The following DMPK variants were observed in gnomAD, a reference collection of about 807,000 sequenced individuals.
DMPK encodes DM1 protein kinase, also known as myotonin-protein kinase.
DMPK carries 32 observed loss-of-function variants against 70.3 expected under a neutral mutation model. That is an observed-to-expected ratio of 0.46 (90% confidence interval 0.34 to 0.61). The LOEUF (loss-of-function observed/expected upper bound fraction) is 0.61, where lower values mean the gene tolerates loss of function less well. Among genes scored for constraint, DMPK ranks in the 20% least tolerant of loss-of-function variants. DMPK has a pLI of 0.01. For synonymous variants in DMPK, 469 were observed against 390.9 expected, an observed-to-expected ratio of 1.20 and a Z score of -2.36; for missense variants, 899 against 886.0, an observed-to-expected ratio of 1.01 and a Z score of -0.19.
chr19:45,772,175 A>G (rs930720976), intron 10 of DMPK: 23 of 518,668 alleles, frequency 4.4e-5, no homozygotes, highest in Non-Finnish European at 7.1e-5. Context: ...CACTAACACA[A>G]CCTATGTCCC....
chr19:45,779,398 C>G, intron 3 of DMPK, 39 bp from the exon 4 acceptor site: 1 of 1,613,844 alleles, frequency 6.2e-7, no homozygotes, highest in Non-Finnish European at 8.5e-7. Flanking sequence ...GGAGACGGGG[C>G]GCGGATCCTC....
At chr19:45,779,704 TTC>T in intron 2 of DMPK, 72 bp downstream of exon 2, 1 of 1,529,414 alleles carries the variant, frequency 6.5e-7, no homozygotes, top group Non-Finnish European at 8.8e-7. Flanking sequence ...ATTCATCAAT[TTC>T]TAAGGCCCCG....
At chr19:45,778,807 G>GCGGCCC in intron 4 of DMPK, 166 bp from the exon 5 acceptor site, 1 of 696,270 alleles carries the variant, frequency 1.4e-6, no homozygotes, top group Non-Finnish European at 2.3e-6. Context: ...GAGACCACCT[G>GCGGCCC]CGGCCCCCGC....
intron 13 of DMPK, 88 bp downstream of exon 13, chr19:45,771,262 C>A (rs775014801): frequency 1.7e-5 from 26 of 1,507,332 alleles, no homozygotes; most frequent in Non-Finnish European, 2.2e-5. Context: ...AGGGTGAGCC[C>A]TATATCTGGA....
intron 10 of DMPK, 32 bp from the exon 11 acceptor site, chr19:45,771,960 G>A: frequency 6.5e-7 from 1 of 1,532,860 alleles, no homozygotes; most frequent in Non-Finnish European, 8.8e-7. Context: ...AAGGCTGCCT[G>A]TGGCTCCTGG....
At chr19:45,775,254 GC>G in intron 8 of DMPK, 1 of 471,852 alleles carries the variant, frequency 2.1e-6, no homozygotes, top group East Asian at 4.2e-5. Flanking sequence ...TGCAACCTCC[GC>G]CTCCCAGGTT....
At chr19:45,770,795 G>T in intron 14 of DMPK, 155 bp from the exon 15 acceptor site, 1 of 1,038,808 alleles carries the variant, frequency 9.6e-7, no homozygotes. Flanking sequence ...CGCACGCCTC[G>T]AATCCCGTCC....
At position 45,782,290 on chromosome 19, in the gene DMPK, C is replaced by T; in HGVS notation, c.63G>A (p.Gly21=). The T allele has an allele frequency of 6.3e-7, 1 of 1,597,412 alleles. No homozygotes were observed. Among genetic ancestry groups the T allele is most frequent in the Non-Finnish European group, 8.5e-7 (1 of 1,173,102 alleles). Residue 21 remains glycine (G), a synonymous_variant, in exon 1 of 15, where the codon GGG becomes GGA. Transcript: ENST00000291270. ...QQLVLDPGFL[G]LEPLLDLLLG... Reference sequence around the variant, plus strand: ...GGAGAAGGTCGAGCAGGGGCTCCAGCCCCAGGAAGCCCGGGTCCAACACCA... The same window carrying T: ...GGAGAAGGTCGAGCAGGGGCTCCAGTCCCAGGAAGCCCGGGTCCAACACCA...
rs143172072 is a variant in DMPK at position 45,770,112 on chromosome 19, C to A, written c.*376G>T. The A allele has an allele frequency of 3.5e-4, 214 of 605,858 alleles. 1 individual carries two copies. In the African/African-American group the frequency reaches 3.8e-3, roughly 11 times the overall value. 37.5% of individuals were successfully genotyped at this position (605,858 alleles called of 1,614,324 possible). On this transcript the variant is annotated 3_prime_UTR_variant, in exon 15 of 15. Coordinates refer to ENST00000291270, the MANE Select transcript of DMPK (RefSeq NM_004409.5). ...GGGTGCGTGGAGGATGGAACACGGA[C>A]GGCCCGGCTTGCTGCCTTCCCAGGC...
intron 6 of DMPK, 123 bp downstream of exon 6, chr19:45,778,004 G>T: frequency 8.4e-7 from 1 of 1,195,470 alleles, no homozygotes; most frequent in Non-Finnish European, 1.2e-6. Context: ...CCACACAGAT[G>T]CACACTTAAG....
chr19:45,770,204 C>CCAGCGG lies in DMPK; in HGVS notation c.*283_*284insCCGCTG, dbSNP rs1321686170. ...AAGAAAGAAATGGTCTGTGATCCCC[C>CCAGCGG]CAGCAGCAGCAGCAGCAGCAGCAGC... On this transcript the variant is annotated 3_prime_UTR_variant, in exon 15 of 15. Transcript: ENST00000291270. The CCAGCGG allele has an allele frequency of 1.5e-6, 1 of 673,370 alleles. No homozygotes were observed. The highest frequency in any genetic ancestry group is 2.6e-6 in the Non-Finnish European group (1 of 391,112). The allele number at this position is 673,370 out of a possible 1,614,324, so 41.7% of individuals were successfully genotyped here.
intron 6 of DMPK, 60 bp downstream of exon 6, chr19:45,778,067 C>G: frequency 6.9e-7 from 1 of 1,440,214 alleles, no homozygotes; most frequent in East Asian, 2.4e-5. Context: ...CTCCCACACT[C>G]TGTGCCTTCC....
intron 4 of DMPK, 34 bp downstream of exon 4, chr19:45,779,230 T>A (rs770140484): frequency 1.1e-5 from 18 of 1,602,484 alleles, no homozygotes; most frequent in Non-Finnish European, 1.5e-5. Context: ...CGGGCTCTTG[T>A]CCCTCTTCCT....
At position 45,770,630 on chromosome 19, in the gene DMPK, G is replaced by C. The variant is rs750895304; in HGVS notation, c.1748C>G (p.Pro583Arg). 3.2e-6 allele frequency: 5 copies of C among 1,552,224 alleles called. No individual in the cohort carries two copies. The highest frequency in any genetic ancestry group is 2.4e-5 in the South Asian group (2 of 84,116). The change falls in exon 15 of 15, where the codon CCT (proline) becomes CGT (arginine). Residue 583 changes from proline (P) to arginine (R), a missense_variant. Coordinates refer to ENST00000291270, the MANE Select transcript of DMPK (RefSeq NM_004409.5). ...HLLLPARVPR[P>R]GLSEALSLLL... Reference sequence around the variant, plus strand: ...CAGGGAAAGCGCCTCCGATAGGCCAGGCCTAGGGACCTGCGGGGAGAGGGC... The same window carrying C: ...CAGGGAAAGCGCCTCCGATAGGCCACGCCTAGGGACCTGCGGGGAGAGGGC...
intron 9 of DMPK, 58 bp downstream of exon 9, chr19:45,774,891 G>A: frequency 1.5e-6 from 2 of 1,348,500 alleles, no homozygotes; most frequent in Non-Finnish European, 2.1e-6. Flanking sequence ...CAAGGAGCAG[G>A]ACCCAGGAAG....
At chr19:45,778,715 C>A (rs1969928773) in intron 4 of DMPK, 74 bp from the exon 5 acceptor site, 3 of 1,485,654 alleles carry the variant, frequency 2.0e-6, no homozygotes, top group Non-Finnish European at 1.8e-6. Flanking sequence ...TGGGACAACC[C>A]CTCCCAGAGA....
At position 45,770,194 on chromosome 19, in the gene DMPK, T is replaced by G; in HGVS notation, c.*294A>C. On this transcript the variant is annotated 3_prime_UTR_variant, in exon 15 of 15. Coordinates refer to ENST00000291270, the MANE Select transcript of DMPK (RefSeq NM_004409.5). ...GCCTGGCCGAAAGAAAGAAATGGTC[T>G]GTGATCCCCCCAGCAGCAGCAGCAG... 1.5e-6 allele frequency: 1 copy of G among 660,286 alleles called. No homozygotes were observed. Among genetic ancestry groups the G allele is most frequent in the Non-Finnish European group, 2.5e-6 (1 of 406,022 alleles). 40.9% of individuals were successfully genotyped at this position (660,286 alleles called of 1,614,324 possible).
chr19:45,779,756 G>T lies in DMPK; in HGVS notation c.252+22C>A, dbSNP rs375867547. 8 of 1,542,170 alleles carry T rather than the reference G, an allele frequency of 5.2e-6. No homozygotes were observed. The African/African-American group carries it at 1.1e-4, about 21-fold the overall frequency. Reference sequence around the variant, plus strand: ...CCCCGCCCACCACGAGTCAAGTCAGGCTCCCGCCCGGTTCGGCTTACCTCG... The same window carrying T: ...CCCCGCCCACCACGAGTCAAGTCAGTCTCCCGCCCGGTTCGGCTTACCTCG... On this transcript the variant is annotated intron_variant, in intron 2 of 14. Coordinates refer to ENST00000291270, the MANE Select transcript of DMPK (RefSeq NM_004409.5).
rs1309089264 is a variant in DMPK, at chr19:45,769,893, A to G, written c.*595T>C. On this transcript the variant is annotated 3_prime_UTR_variant, in exon 15 of 15. Transcript: ENST00000291270. Reference sequence around the variant, plus strand: ...GAGGACGAGGTCAATAAATATCCAAACCGCCGAAGCGGGCGGAGCCGGCTG... The same window carrying G: ...GAGGACGAGGTCAATAAATATCCAAGCCGCCGAAGCGGGCGGAGCCGGCTG... 7.3e-6 allele frequency: 2 copies of G among 275,410 alleles called. No individual in the cohort carries two copies. Among genetic ancestry groups the G allele is most frequent in the African/African-American group, 2.3e-5 (1 of 43,176 alleles). The allele number at this position is 275,410 out of a possible 1,614,324, so 17.1% of individuals were successfully genotyped here.
Sources: allele counts gnomAD v4.1 joint callset, GRCh38; gene constraint gnomAD v4.1.1; transcripts MANE v1.5; gene names NCBI Gene and HGNC (gene_info 2026-07-23, HGNC 2026-07-21).